GMPR: variants seen among roughly 807,000 people sequenced by gnomAD.
GMPR encodes GMP reductase 1.
GMPR carries 31 observed loss-of-function variants against 38.4 expected under a neutral mutation model. The observed-to-expected ratio is 0.81, with a 90% CI of 0.61 to 1.09. The LOEUF is 1.09. Ranked by LOEUF, GMPR falls within the 50% of genes least tolerant of loss-of-function variation. The pLI is 0.00. For synonymous variants in GMPR, 162 were observed against 173.3 expected (o/e 0.93, Z 0.51); for missense variants, 468 against 453.7 (o/e 1.03, Z -0.29).
At chr6:16,286,284 C>T (rs905644432) in intron 7 of GMPR, among the ~76,000 whole-genome samples, 5 of 151,918 alleles carry the variant, frequency 3.3e-5, no homozygotes, top group Non-Finnish European at 5.9e-5. Context: ...GCTGTGAGCC[C>T]GTGGGATTGG....
chr6:16,276,532 T>C (rs145211710), intron 5 of GMPR, among the ~76,000 whole-genome samples: 1 of 152,172 alleles, frequency 6.6e-6, no homozygotes, highest in Non-Finnish European at 1.5e-5. Flanking sequence ...TTCTTGCACA[T>C]CTCTGTGTCT....
intron 4 of GMPR, among the ~76,000 whole-genome samples, chr6:16,271,134 C>T (rs1017948933): frequency 6.6e-6 from 1 of 152,122 alleles, no homozygotes; most frequent in Non-Finnish European, 1.5e-5. Context: ...AAAGTAGCCC[C>T]TTAAAAATAA....
intron 4 of GMPR, among the ~76,000 whole-genome samples, chr6:16,256,042 C>T (rs1170072422): frequency 4.0e-5 from 6 of 151,002 alleles, no homozygotes; most frequent in African/African-American, 1.5e-4. Flanking sequence ...ATGGCGAAAC[C>T]GTGTCTCTAC....
At chr6:16,289,032 C>T (rs867777684) in intron 7 of GMPR, among the ~76,000 whole-genome samples, 4 of 152,212 alleles carry the variant, frequency 2.6e-5, no homozygotes, top group African/African-American at 9.7e-5. Context: ...CCGGAGCCAG[C>T]AGTGGCAAAC....
intron 1 of GMPR, among the ~76,000 whole-genome samples, chr6:16,241,525 T>G (rs1005621400): frequency 6.6e-6 from 1 of 152,168 alleles, no homozygotes; most frequent in Admixed American, 6.5e-5. Flanking sequence ...CTCTCAAATG[T>G]CCAGCCCCTG....
intron 4 of GMPR, among the ~76,000 whole-genome samples, chr6:16,270,684 A>G (rs1296022328): frequency 6.6e-6 from 1 of 152,206 alleles, no homozygotes; most frequent in Non-Finnish European, 1.5e-5. Flanking sequence ...CTGCCAATGG[A>G]AACTCCCCCG....
chr6:16,244,073 GCCTTTCTGGTTGTGAATGAAA>G (rs1758710360), intron 1 of GMPR, among the ~76,000 whole-genome samples: 1 of 151,958 alleles, frequency 6.6e-6, no homozygotes. Flanking sequence ...ATGTTCTGGT[GCCTTTCTGGTTGTGAATGAAA>G]TTGCTTTTTT....
At position 16,290,637 on chromosome 6, in the gene GMPR, C is replaced by A; in HGVS notation, c.857+16C>A. ...CTGAGTACAGGTGAGGAGGTGACCCCGGGGCGCACCCTCGAGGCCTGGCCT... is the reference window on the plus strand; with the variant it reads ...CTGAGTACAGGTGAGGAGGTGACCCAGGGGCGCACCCTCGAGGCCTGGCCT... On this transcript the variant is annotated intron_variant, in intron 8 of 8. Transcript: ENST00000259727. 2 of 1,608,234 alleles carry A rather than the reference C, an allele frequency of 1.2e-6. No homozygotes were observed. The highest frequency in any genetic ancestry group is 1.7e-4 in the Middle Eastern group (1 of 5,876).
intron 7 of GMPR, among the ~76,000 whole-genome samples, chr6:16,287,984 T>G (rs1759721781): frequency 6.6e-6 from 1 of 152,246 alleles, no homozygotes; most frequent in African/African-American, 2.4e-5. Context: ...CAGGCTCCCC[T>G]CCTCCTTCAT....
intron 1 of GMPR, among the ~76,000 whole-genome samples, chr6:16,245,693 G>A (rs1758738841): frequency 6.6e-6 from 1 of 152,192 alleles, no homozygotes; most frequent in Non-Finnish European, 1.5e-5. Context: ...CACAACTGAG[G>A]ATATTAAGGC....
intron 4 of GMPR, among the ~76,000 whole-genome samples, chr6:16,266,980 G>T (rs549782784): frequency 2.6e-5 from 4 of 151,400 alleles, no homozygotes; most frequent in Non-Finnish European, 5.9e-5. Flanking sequence ...ATGAACCCAC[G>T]AGGAGGAACG....
At chr6:16,258,543 C>T (rs1314733141) in intron 4 of GMPR, among the ~76,000 whole-genome samples, 1 of 152,214 alleles carries the variant, frequency 6.6e-6, no homozygotes, top group African/African-American at 2.4e-5. Context: ...TCTGGGAAGC[C>T]ACCAACAGCG....
rs764473763 is a variant in GMPR, at chr6:16,274,514, C to A, written c.547+18C>A. The A allele has an allele frequency of 3.4e-5, 48 of 1,424,784 alleles. No individual in the cohort carries two copies. Among genetic ancestry groups the A allele is most frequent in the Admixed American group, 2.0e-4 (12 of 59,750 alleles). The allele number at this position is 1,424,784 out of a possible 1,614,324, so 88.3% of individuals were successfully genotyped here. A position where few individuals can be genotyped will look rare whatever the true frequency, so the allele number is the denominator to read the frequency against. On this transcript the variant is annotated intron_variant, in intron 5 of 8. Transcript: ENST00000259727. Reference sequence around the variant, plus strand: ...TGGACCAGGTAAGACTTGTTAGGAGCACAGCAGAGGACGTGTGTGGGGAAG... The same window carrying A: ...TGGACCAGGTAAGACTTGTTAGGAGAACAGCAGAGGACGTGTGTGGGGAAG...
intron 1 of GMPR, among the ~76,000 whole-genome samples, chr6:16,241,603 G>A (rs955212251): frequency 6.6e-6 from 1 of 152,234 alleles, no homozygotes; most frequent in African/African-American, 2.4e-5. Context: ...GAGAAGTGAT[G>A]AGTTTGTGGA....
intron 3 of GMPR, 130 bp downstream of exon 3, chr6:16,250,497 T>C: frequency 1.5e-6 from 1 of 669,174 alleles, no homozygotes; most frequent in Admixed American, 2.3e-5. Flanking sequence ...CCTGTGCCAT[T>C]GCCAGGGATT....
chr6:16,273,515 G>C (rs1759421938), intron 4 of GMPR, among the ~76,000 whole-genome samples: 1 of 152,144 alleles, frequency 6.6e-6, no homozygotes, highest in Non-Finnish European at 1.5e-5. Context: ...CCACTTCCTG[G>C]AGGCTTGTGT....
At chr6:16,251,713 T>C (rs983668386) in intron 3 of GMPR, among the ~76,000 whole-genome samples, 1 of 152,148 alleles carries the variant, frequency 6.6e-6, no homozygotes, top group African/African-American at 2.4e-5. Context: ...GGTTAAGGGG[T>C]ATGAGACTTT....
At chr6:16,258,590 G>C (rs1759023834) in intron 4 of GMPR, among the ~76,000 whole-genome samples, 1 of 152,190 alleles carries the variant, frequency 6.6e-6, no homozygotes, top group Admixed American at 6.5e-5. Flanking sequence ...GCTGGCCCAG[G>C]GGTATGTTTT....
chr6:16,286,483 G>A (rs1454472140), intron 7 of GMPR, among the ~76,000 whole-genome samples: 1 of 152,094 alleles, frequency 6.6e-6, no homozygotes, highest in African/African-American at 2.4e-5. Flanking sequence ...TGTGAAATGG[G>A]CGTTGTGGGT....
Sources: allele counts gnomAD v4.1 joint callset (sites outside exome capture counted in the v4.1 genomes callset), GRCh38; gene constraint gnomAD v4.1.1; transcripts MANE v1.5; gene names NCBI Gene and HGNC (gene_info 2026-07-23, HGNC 2026-07-21).